Variants in KIAA0319 observed in about 807,000 individuals in gnomAD.
KIAA0319 encodes KIAA0319.
KIAA0319 carries 83 observed loss-of-function variants against 108.4 expected under a neutral mutation model. The observed-to-expected ratio is 0.77, with a 90% CI of 0.64 to 0.92. KIAA0319 has a LOEUF of 0.92. Ranked by LOEUF, KIAA0319 falls within the 40% of genes least tolerant of loss-of-function variation. KIAA0319 has a pLI of 0.00. For synonymous variants in KIAA0319, 484 were observed against 510.4 expected, an observed-to-expected ratio of 0.95 and a Z score of 0.70; for missense variants, 1,195 against 1,322.4, an observed-to-expected ratio of 0.90 and a Z score of 1.49.
chr6:24,597,950 A>AC (rs1769978957), intron 2 of KIAA0319: 4 of 138,846 alleles, frequency 2.9e-5, no homozygotes, highest in South Asian at 2.2e-4. Flanking sequence ...AAAAAAAAAA[A>AC]CCACCTAGAA....
chr6:24,620,331 C>G (rs900887545), intron 1 of KIAA0319, among the ~76,000 whole-genome samples: 2 of 152,190 alleles, frequency 1.3e-5, no homozygotes, highest in Admixed American at 6.5e-5. Flanking sequence ...GACGGAGTCT[C>G]ACTCTGTCGC....
At chr6:24,634,211 C>G (rs1775923472) in intron 1 of KIAA0319, among the ~76,000 whole-genome samples, 1 of 152,194 alleles carries the variant, frequency 6.6e-6, no homozygotes, top group South Asian at 2.1e-4. Context: ...AGAACTTCTA[C>G]CAGCCTGGCA....
intron 11 of KIAA0319, among the ~76,000 whole-genome samples, chr6:24,571,503 A>T (rs1379790937): frequency 2.0e-5 from 3 of 152,126 alleles, no homozygotes; most frequent in African/African-American, 7.2e-5. Flanking sequence ...TTGCCGTAGG[A>T]TAGAGTACTT....
intron 1 of KIAA0319, among the ~76,000 whole-genome samples, chr6:24,630,072 G>A (rs1266064056): frequency 2.6e-5 from 4 of 152,120 alleles, no homozygotes; most frequent in African/African-American, 4.8e-5. Context: ...CCAGCTACTC[G>A]GGAGGCTGAA....
intron 19 of KIAA0319, among the ~76,000 whole-genome samples, chr6:24,552,414 T>G (rs1479618501): frequency 6.6e-6 from 1 of 152,182 alleles, no homozygotes; most frequent in Non-Finnish European, 1.5e-5. Context: ...TTCTACTTGA[T>G]AGACATGTCA....
chr6:24,631,187 C>A (rs1775536516), intron 1 of KIAA0319, among the ~76,000 whole-genome samples: 1 of 152,222 alleles, frequency 6.6e-6, no homozygotes, highest in African/African-American at 2.4e-5. Context: ...GGGAAGTTCT[C>A]CTCTTTTATG....
At chr6:24,603,005 T>C (rs1770876694) in intron 1 of KIAA0319, among the ~76,000 whole-genome samples, 1 of 152,208 alleles carries the variant, frequency 6.6e-6, no homozygotes, top group South Asian at 2.1e-4. Context: ...GATAAAAATT[T>C]GTCTAAATAA....
intron 2 of KIAA0319, chr6:24,598,439 T>C: frequency 3.5e-6 from 2 of 566,828 alleles, no homozygotes; most frequent in Non-Finnish European, 6.8e-6. Context: ...TGGATGAATG[T>C]GGACTGCATG....
intron 1 of KIAA0319, among the ~76,000 whole-genome samples, chr6:24,640,103 T>TATATATACAC (rs1776730907): frequency 1.3e-5 from 2 of 152,118 alleles, no homozygotes; most frequent in Non-Finnish European, 2.9e-5. Context: ...ATAATAGTTG[T>TATATATACAC]ATATATTTTG....
Position 24,559,227 on chromosome 6 carries a change from A to T in KIAA0319, c.2592-72T>A, listed in dbSNP as rs116366982. 2.4e-3 allele frequency: 3,671 copies of T among 1,532,764 alleles called. 56 individuals are homozygous for T. In the African/African-American group the frequency reaches 0.038, roughly 16 times the overall value. The allele number at this position is 1,532,764 out of a possible 1,614,324, so 94.9% of individuals were successfully genotyped here. A position where few individuals can be genotyped will look rare whatever the true frequency, so the allele number is the denominator to read the frequency against. ...ACTACCATGACACGCCCACCACAGC[A>T]TCTGACCTGTGAAACTGGGGAGGTA... On this transcript the variant is annotated intron_variant, in intron 16 of 20. Coordinates refer to ENST00000378214, the MANE Select transcript of KIAA0319 (RefSeq NM_014809.4).
chr6:24,613,038 A>G (rs186223953), intron 1 of KIAA0319, among the ~76,000 whole-genome samples: 23 of 152,250 alleles, frequency 1.5e-4, no homozygotes, highest in African/African-American at 5.1e-4. Flanking sequence ...TGACCTGGTG[A>G]TCCGCCCGCC....
At chr6:24,570,374 G>A (rs1581983010) in intron 11 of KIAA0319, among the ~76,000 whole-genome samples, 1 of 152,152 alleles carries the variant, frequency 6.6e-6, no homozygotes, top group African/African-American at 2.4e-5. Context: ...GGATCACGAG[G>A]TCAGGAGATC....
At position 24,576,579 on chromosome 6, in the gene KIAA0319, G is replaced by A. The variant is rs143003901; in HGVS notation, c.1523C>T (p.Ser508Leu). The change falls in exon 10 of 21, where the codon TCG becomes TTG. Residue 508 changes from serine to leucine, a missense_variant. Transcript: ENST00000378214. Reference sequence around the variant, plus strand: ...AGTTGTAGAGTTAGTGGCTCCGTCCGAGTCTGTAACAGTCAACCTACAAAA... The same window carrying A: ...AGTTGTAGAGTTAGTGGCTCCGTCCAAGTCTGTAACAGTCAACCTACAAAA... The part of the protein sequence containing the change: ...NYSFRLTVTD[S>L]DGATNSTTAA... 516 of 1,613,902 alleles carry A rather than the reference G, an allele frequency of 3.2e-4. No individual in the cohort carries two copies. Among genetic ancestry groups the A allele is most frequent in the Non-Finnish European group, 4.1e-4 (481 of 1,179,880 alleles).
chr6:24,556,044 C>A (rs549292203), intron 18 of KIAA0319, among the ~76,000 whole-genome samples: 4 of 152,314 alleles, frequency 2.6e-5, no homozygotes, highest in African/African-American at 9.6e-5. Flanking sequence ...TCTTAACTTA[C>A]TACCAAGTGA....
intron 1 of KIAA0319, among the ~76,000 whole-genome samples, chr6:24,639,326 T>C (rs2127597468): frequency 6.6e-6 from 1 of 152,184 alleles, no homozygotes; most frequent in East Asian, 1.9e-4. Context: ...GACAGCAATA[T>C]TTTCATTGGT....
chr6:24,608,887 T>G (rs1313110665), intron 1 of KIAA0319, among the ~76,000 whole-genome samples: 1 of 125,520 alleles, frequency 8.0e-6, no homozygotes, highest in East Asian at 2.4e-4. Flanking sequence ...GCCAAGATCA[T>G]GTCACTGCAC....
intron 16 of KIAA0319, among the ~76,000 whole-genome samples, chr6:24,559,372 C>T (rs1463672908): frequency 6.6e-6 from 1 of 152,220 alleles, no homozygotes; most frequent in Non-Finnish European, 1.5e-5. Flanking sequence ...ACAGACAGAT[C>T]TTCAGATAAA....
chr6:24,563,515 G>A lies in KIAA0319; in HGVS notation c.2435C>T (p.Pro812Leu). ...DTATVEVQPD[P>L]RKSGLVELTL... is the part of the protein sequence containing the mutation. Reference sequence around the variant, plus strand: ...CAGCTCCACCAGGCCACTCTTCCTAGGGTCTGGGGAAAGAGAAGATACAGG... The same window carrying A: ...CAGCTCCACCAGGCCACTCTTCCTAAGGTCTGGGGAAAGAGAAGATACAGG... Residue 812 changes from proline to leucine, a missense_variant, in exon 16 of 21, where the codon CCT becomes CTT. Physicochemically the swap from Pro to Leu is moderately conservative, Grantham distance 98. Transcript: ENST00000378214. 1 of 1,606,680 alleles carries A rather than the reference G, an allele frequency of 6.2e-7. No homozygotes were observed. Among genetic ancestry groups the A allele is most frequent in the East Asian group, 2.2e-5 (1 of 44,782 alleles).
In KIAA0319 at chr6:24,559,097, C is replaced by T; in HGVS notation, c.2650G>A (p.Glu884Lys). The T allele has an allele frequency of 6.2e-7, 1 of 1,613,898 alleles. No homozygotes were observed. Residue 884 changes from glutamate (E) to lysine (K), a missense_variant, in exon 17 of 21, where the codon GAA (glutamate) becomes AAA (lysine). Coordinates refer to ENST00000378214, the MANE Select transcript of KIAA0319 (RefSeq NM_014809.4). ...RPPFKVLKAA[E>K]VARNLHMRLS... Reference sequence around the variant, plus strand: ...CGCATGTGCAGATTTCGGGCCACTTCAGCAGCTTTGAGAACCTTGAAAGGC... The same window carrying T: ...CGCATGTGCAGATTTCGGGCCACTTTAGCAGCTTTGAGAACCTTGAAAGGC...
Sources: gnomAD v4.1 joint callset for allele counts (sites outside exome capture counted in the v4.1 genomes callset) on GRCh38, gnomAD v4.1.1 for gene constraint, MANE v1.5 for transcripts, NCBI Gene and HGNC (gene_info 2026-07-23, HGNC 2026-07-21) for gene names.